The following PKD1L1 variants were observed in gnomAD, a reference collection of about 807,000 sequenced individuals.
PKD1L1 encodes the protein polycystin-1-like protein 1.
A neutral mutation model predicts 323.4 loss-of-function variants in PKD1L1; 236 were observed. The observed-to-expected ratio is 0.73, with a 90% CI of 0.66 to 0.81. PKD1L1 has a LOEUF of 0.81. PKD1L1 is among the 40% of genes least tolerant of loss of function. The probability of loss-of-function intolerance (pLI) is 0.00; values close to 1 mark genes in which losing one functional copy is unlikely to be tolerated. For synonymous variants in PKD1L1, 1,344 were observed against 1,335.0 expected, an observed-to-expected ratio of 1.01 and a Z score of -0.15; for missense variants, 3,320 against 3,508.0, an observed-to-expected ratio of 0.95 and a Z score of 1.35.
chr7:47,795,671 A>G (rs1784508641), intron 55 of PKD1L1, among the ~76,000 whole-genome samples: 1 of 152,164 alleles, frequency 6.6e-6, no homozygotes, highest in South Asian at 2.1e-4. Flanking sequence ...AAAGCAAATG[A>G]CTAACTCAGG....
At chr7:47,859,326 C>T (rs962149890) in intron 26 of PKD1L1, among the ~76,000 whole-genome samples, 1 of 152,192 alleles carries the variant, frequency 6.6e-6, no homozygotes, top group Non-Finnish European at 1.5e-5. Flanking sequence ...TATTCTCAAG[C>T]CATGCTGAAT....
intron 44 of PKD1L1, 140 bp downstream of exon 44, chr7:47,829,285 A>T (rs780026350): frequency 2.5e-6 from 2 of 790,606 alleles, no homozygotes; most frequent in Non-Finnish European, 3.8e-6. Context: ...TGTGCAAAGA[A>T]GCATAAGAAA....
At chr7:47,872,185 G>A (rs1467111666) in intron 24 of PKD1L1, among the ~76,000 whole-genome samples, 6 of 152,194 alleles carry the variant, frequency 3.9e-5, no homozygotes, top group Non-Finnish European at 8.8e-5. Flanking sequence ...TGCAGCAGGA[G>A]TCTGGAGCCC....
chr7:47,784,224 A>T (rs1467195994), intron 56 of PKD1L1, among the ~76,000 whole-genome samples: 2 of 152,216 alleles, frequency 1.3e-5, no homozygotes, highest in African/African-American at 4.8e-5. Context: ...TTCATTTCAG[A>T]AGGCTGTCTG....
intron 50 of PKD1L1, among the ~76,000 whole-genome samples, chr7:47,810,676 T>C (rs537780225): frequency 6.6e-6 from 1 of 152,068 alleles, no homozygotes; most frequent in Non-Finnish European, 1.5e-5. Context: ...ACCTGAAGAG[T>C]CAGCAGGACT....
chr7:47,931,169 G>A lies in PKD1L1; in HGVS notation c.672C>T (p.Pro224=). 6.2e-7 allele frequency: 1 copy of A among 1,614,200 alleles called. No homozygotes were observed. The highest frequency in any genetic ancestry group is 1.1e-5 in the South Asian group (1 of 91,084). Residue 224 remains proline (P), a synonymous_variant, in exon 6 of 57, where the codon CCC becomes CCT. Transcript: ENST00000289672. ...TMETPTKVAR[P]TQTSSQRVPL... ...GCACTCGCTGGGAGCTGGTCTGAGT[G>A]GGTCTGGCCACCTTGGTGGGGGTCT...
chr7:47,849,630 T>A (rs1473004032), intron 31 of PKD1L1, among the ~76,000 whole-genome samples: 2 of 151,994 alleles, frequency 1.3e-5, no homozygotes, highest in African/African-American at 4.8e-5. Context: ...AAAACCACAA[T>A]GAGATACCAT....
chr7:47,885,910 G>T lies in PKD1L1; in HGVS notation c.2981C>A (p.Pro994His). 6.2e-7 allele frequency: 1 copy of T among 1,614,174 alleles called. No individual in the cohort carries two copies. The highest frequency in any genetic ancestry group is 8.5e-7 in the Non-Finnish European group (1 of 1,180,040). ...TTTPFSREPS[P>H]VTLGQPATSA... is the part of the protein sequence containing the mutation. ...AGTGGCAGGTTGGCCAAGGGTCACG[G>T]GTGAAGGTTCCCGTGAGAATGGTGT... Residue 994 changes from proline (P) to histidine (H), a missense_variant, in exon 18 of 57, where the codon CCC becomes CAC. Coordinates refer to ENST00000289672, the MANE Select transcript of PKD1L1 (RefSeq NM_138295.5).
intron 6 of PKD1L1, 94 bp downstream of exon 6, chr7:47,931,010 C>T (rs1196002906): frequency 1.2e-5 from 15 of 1,267,116 alleles, no homozygotes; most frequent in Admixed American, 4.7e-5. Context: ...AAGCAAACAA[C>T]GAAGATACTA....
At chr7:47,814,112 A>T in intron 47 of PKD1L1, 98 bp from the exon 48 acceptor site, 1 of 860,880 alleles carries the variant, frequency 1.2e-6, no homozygotes, top group Non-Finnish European at 1.9e-6. Context: ...GGGTAACTCC[A>T]CCTGCTACCA....
chr7:47,863,488 G>C (rs1157227083), intron 26 of PKD1L1, among the ~76,000 whole-genome samples: 1 of 152,092 alleles, frequency 6.6e-6, no homozygotes, highest in Admixed American at 6.6e-5. Flanking sequence ...TACTGACCAC[G>C]TAACTGTAGA....
At chr7:47,910,357 CAG>C (rs1787293285) in intron 8 of PKD1L1, among the ~76,000 whole-genome samples, 1 of 138,214 alleles carries the variant, frequency 7.2e-6, no homozygotes, top group Non-Finnish European at 1.5e-5. Context: ...TTTTTTGAGA[CAG>C]AGTCTTGCTC....
At position 47,811,928 on chromosome 7, in the gene PKD1L1, G is replaced by A. The variant is rs1584960103; in HGVS notation, c.7470C>T (p.Ser2490=). The stretch of plus-strand genomic sequence containing the variant: ...CCGTAGGGAGGATCTCCACTCTCAG[G>A]GACACGCTGGTGAAGAGTTGGGTTG... ...NPPTQLFTSV[S]LRVEILPTGS... is the part of the protein sequence containing the mutation. The change falls in exon 50 of 57, where the codon TCC becomes TCT. Residue 2490 remains serine, a synonymous_variant. Coordinates refer to ENST00000289672, the MANE Select transcript of PKD1L1 (RefSeq NM_138295.5). The A allele has an allele frequency of 6.2e-7, 1 of 1,607,998 alleles. No individual in the cohort carries two copies. The highest frequency in any genetic ancestry group is 8.5e-7 in the Non-Finnish European group (1 of 1,177,434).
chr7:47,909,972 T>C (rs1207998974), intron 8 of PKD1L1, among the ~76,000 whole-genome samples: 1 of 152,116 alleles, frequency 6.6e-6, no homozygotes, highest in Non-Finnish European at 1.5e-5. Context: ...GTAGAAGAAA[T>C]AGGTACACTT....
intron 24 of PKD1L1, among the ~76,000 whole-genome samples, chr7:47,870,132 GA>G (rs1282723576): frequency 2.7e-4 from 41 of 151,800 alleles, no homozygotes; most frequent in African/African-American, 9.7e-4. Context: ...TGGCTATAAA[GA>G]AGATGACGAA....
At chr7:47,791,125 G>A (rs764220896) in intron 56 of PKD1L1, among the ~76,000 whole-genome samples, 1 of 151,980 alleles carries the variant, frequency 6.6e-6, no homozygotes, top group Non-Finnish European at 1.5e-5. Flanking sequence ...TTCCAGTAAA[G>A]TCTTTTAAAA....
chr7:47,849,540 T>C (rs936711343), intron 31 of PKD1L1, among the ~76,000 whole-genome samples: 2 of 152,098 alleles, frequency 1.3e-5, no homozygotes, highest in African/African-American at 2.4e-5. Context: ...GGCAAGGACC[T>C]GAACAGACAA....
intron 7 of PKD1L1, among the ~76,000 whole-genome samples, chr7:47,917,425 TAAACTTCCCCAGCCTTGCTAGAGACCCAG>T (rs1787452896): frequency 6.6e-6 from 1 of 152,096 alleles, no homozygotes; most frequent in African/African-American, 2.4e-5. Flanking sequence ...TTGAGGGGAA[TAAACTTCCCCAGCCTTGCTAGAGACCCAG>T]ACATCCAAAT....
chr7:47,901,664 C>T (rs1012422158), intron 13 of PKD1L1, among the ~76,000 whole-genome samples: 2 of 152,296 alleles, frequency 1.3e-5, no homozygotes, highest in East Asian at 1.9e-4. Flanking sequence ...GTGTGGGGGC[C>T]GGGACCCTTT....
Sources: allele counts gnomAD v4.1 joint callset (sites outside exome capture counted in the v4.1 genomes callset), GRCh38; gene constraint gnomAD v4.1.1; transcripts MANE v1.5; gene names NCBI Gene and HGNC (gene_info 2026-07-23, HGNC 2026-07-21).